HLA-DQB1: variants seen among roughly 807,000 people sequenced by gnomAD.
The protein encoded by HLA-DQB1 is HLA class II histocompatibility antigen, DQ beta 1 chain.
HLA-DQB1 carries 13 observed loss-of-function variants against 26.4 expected under a neutral mutation model. The ratio of observed to expected loss-of-function variants is 0.49; its 90% CI spans 0.32 to 0.78. The LOEUF is 0.78. Ranked by LOEUF, HLA-DQB1 falls within the 30% of genes least tolerant of loss-of-function variation. The pLI is 0.03. For synonymous variants in HLA-DQB1, 60 were observed against 129.1 expected, an observed-to-expected ratio of 0.46 and a Z score of 3.63; for missense variants, 158 against 326.2, an observed-to-expected ratio of 0.48 and a Z score of 3.97.
chr6:32,666,647 T>C, exon 1 of HLA-DQB1: 2 of 777,804 alleles, frequency 2.6e-6, no homozygotes, highest in Non-Finnish European at 4.3e-6. Flanking sequence ...TCAACACAGC[T>C]CGGACCTGAT....
chr6:32,659,975 T>C (rs1049222), exon 5 of HLA-DQB1: 55,047 of 268,222 alleles, frequency 0.21, 7,900 homozygotes, highest in South Asian at 0.26. Flanking sequence ...GAGGAAAGAA[T>C]AGAAACAGAA....
At chr6:32,665,863 T>A (rs41264344) in intron 1 of HLA-DQB1, among the ~76,000 whole-genome samples, 8,140 of 113,390 alleles carry the variant, frequency 0.072, 305 homozygotes, top group Middle Eastern at 0.18. Context: ...CAATATGTGT[T>A]ATTTCCCTTC....
chr6:32,661,827 G>T (rs1554164898), intron 3 of HLA-DQB1, 140 bp downstream of exon 3: 2 of 702,796 alleles, frequency 2.8e-6, no homozygotes, highest in Non-Finnish European at 4.8e-6. Context: ...TGATGCACTT[G>T]CCATGGAGCA....
intron 2 of HLA-DQB1, 156 bp downstream of exon 2, chr6:32,664,642 T>G (rs281862210): frequency 7.7e-6 from 2 of 258,426 alleles, no homozygotes; most frequent in South Asian, 3.6e-5. Flanking sequence ...GCCCCTCCGA[T>G]GCACCTGCCC....
In HLA-DQB1 at chr6:32,661,490, C is replaced by T. The variant is rs199987570; in HGVS notation, c.662-33G>A. 0.017 allele frequency: 18,208 copies of T among 1,074,386 alleles called. 3,850 individuals are homozygous for T. The East Asian group carries it at 0.2, about 12-fold the overall frequency. 66.6% of individuals were successfully genotyped at this position (1,074,386 alleles called of 1,614,324 possible). A position where few individuals can be genotyped will look rare whatever the true frequency, so the allele number is the denominator to read the frequency against. On this transcript the variant is annotated intron_variant, in intron 3 of 4. Coordinates refer to ENST00000434651, the Ensembl canonical transcript of HLA-DQB1. ...GCAGAACTGAGTGTCTGTGTTTGTC[C>T]CCACACCCCATAGCATCCCTGCTGA...
exon 1 of HLA-DQB1, chr6:32,666,526 G>A (rs1049061): frequency 0.24 from 269,648 of 1,139,126 alleles, 65,672 homozygotes; most frequent in South Asian, 0.27. Context: ...TCAGCCAGTA[G>A]GGAGCTCAGC....
chr6:32,660,883 T>G, intron 4 of HLA-DQB1: 1 of 1,516,074 alleles, frequency 6.6e-7, no homozygotes, highest in Non-Finnish European at 8.9e-7. Flanking sequence ...CCTTGAGGTC[T>G]TACAAAAGGA....
chr6:32,662,399 T>A (rs9274106), intron 2 of HLA-DQB1, 151 bp from the exon 3 acceptor site: 2,039 of 146,622 alleles, frequency 0.014, 175 homozygotes, highest in Admixed American at 0.035. Flanking sequence ...AAATATAAAT[T>A]TGACAATCAC....
At chr6:32,660,169 T>G in exon 5 of HLA-DQB1, 1 of 734,842 alleles carries the variant, frequency 1.4e-6, no homozygotes, top group South Asian at 1.9e-5. Context: ...AGCTGGGAAT[T>G]CTGGGCAGGC....
chr6:32,663,415 G>GAAAGTATCATTTTGTGC (rs9282143), intron 2 of HLA-DQB1: 1 of 126,710 alleles, frequency 7.9e-6, no homozygotes. Flanking sequence ...TTTCAATGCC[G>GAAAGTATCATTTTGTGC]CATTAACACA....
rs41268312 is a variant in HLA-DQB1, at chr6:32,665,110, C to CCTA, written c.110-44_110-43insTAG. On this transcript the variant is annotated intron_variant, in intron 1 of 4. Transcript: ENST00000434651. ...CCGGTCAGTCAGGCCCCAGCCCGGC[C>CCTA]GCCCCCGCAGCCGCCGCCCTGACCC... The CCTA allele has an allele frequency of 5.6e-4, 575 of 1,027,748 alleles. 2 individuals are homozygous for CCTA. The highest frequency in any genetic ancestry group is 2.5e-3 in the Admixed American group (72 of 29,166). The allele number at this position is 1,027,748 out of a possible 1,614,324, so 63.7% of individuals were successfully genotyped here. A position where few individuals can be genotyped will look rare whatever the true frequency, so the allele number is the denominator to read the frequency against.
chr6:32,661,215 C>T (rs117656997), intron 4 of HLA-DQB1, 132 bp downstream of exon 4: 19,319 of 271,028 alleles, frequency 0.071, 5,145 homozygotes, highest in East Asian at 0.36. Context: ...CCAATGCCTC[C>T]TCCCATCTTG....
At position 32,666,489 on chromosome 6, in the gene HLA-DQB1, C is replaced by T. The variant is rs1188956004; in HGVS notation, c.109+10G>A. On this transcript the variant is annotated intron_variant, in intron 1 of 4. Coordinates refer to ENST00000434651, the Ensembl canonical transcript of HLA-DQB1. ...GTGGCGGCTCTGGAGAGCAGCTGCCCTGCACTTACCGGGAGAGTCTCTGCC... is the reference window on the plus strand; with the variant it reads ...GTGGCGGCTCTGGAGAGCAGCTGCCTTGCACTTACCGGGAGAGTCTCTGCC... 1 of 986,750 alleles carries T rather than the reference C, an allele frequency of 1.0e-6. No individual in the cohort carries two copies. Among genetic ancestry groups the T allele is most frequent in the African/African-American group, 1.6e-5 (1 of 62,938 alleles). The allele number at this position is 986,750 out of a possible 1,614,324, so 61.1% of individuals were successfully genotyped here.
chr6:32,664,382 C>A (rs141487324), intron 2 of HLA-DQB1: 8,206 of 107,594 alleles, frequency 0.076, 2,734 homozygotes, highest in East Asian at 0.39. Flanking sequence ...AAGCTTCCTG[C>A]GGCGCAAGCT....
rs559673115 is a variant in HLA-DQB1 at position 32,661,462 on chromosome 6, A to G, written c.662-5T>C. On this transcript the variant is annotated splice_region_variant and splice_polypyrimidine_tract_variant and intron_variant, in intron 3 of 4. Coordinates refer to ENST00000434651, the Ensembl canonical transcript of HLA-DQB1. ...GGGCAGATTCAGACTGAGCCCCTAA[A>G]GAGCAGAACTGAGTGTCTGTGTTTG... 102,047 of 874,100 alleles carry G rather than the reference A, an allele frequency of 0.12. 22,606 individuals carry two copies. Among genetic ancestry groups the G allele is most frequent in the East Asian group, 0.4 (10,089 of 24,942 alleles). The allele number at this position is 874,100 out of a possible 1,614,324, so 54.1% of individuals were successfully genotyped here.
rs796429679 is a variant in HLA-DQB1 at position 32,666,326 on chromosome 6, T to C, written c.109+173A>G. Among the ~76,000 whole-genome samples the C allele has an allele frequency of 0.58, 86,888 of 149,534 alleles. 25,655 individuals are homozygous for C. Among genetic ancestry groups the C allele is most frequent in the East Asian group, 0.74 (3,741 of 5,068 alleles). ...TAGGATGGGGATTGGATTGTCCTCA[T>C]CTCATCACTAAAAGATAAATGGGAA... On this transcript the variant is annotated intron_variant, in intron 1 of 4. Transcript: ENST00000434651.
chr6:32,662,615 GT>G (rs1783248821), intron 2 of HLA-DQB1: 1 of 168,398 alleles, frequency 5.9e-6, no homozygotes, highest in Non-Finnish European at 1.2e-5. Flanking sequence ...CAAACATCAT[GT>G]TTGTCCACAA....
chr6:32,660,925 C>G (rs1782918145), intron 4 of HLA-DQB1: 3 of 1,356,450 alleles, frequency 2.2e-6, no homozygotes, highest in Admixed American at 2.1e-5. Flanking sequence ...ATTACACAAA[C>G]AGCCACTCTC....
rs1130382 is a variant in HLA-DQB1 at position 32,664,895 on chromosome 6, G to C, written c.282C>G (p.Asn94Lys). Residue 94 changes from asparagine (N) to lysine (K), a missense_variant, in exon 2 of 5, where the codon AAC becomes AAG. Coordinates refer to ENST00000434651, the Ensembl canonical transcript of HLA-DQB1. ...TCCCCTCCAGGACTTCCTTCTGGCT[G>C]TTCCAGTACTCGGCATCAGGCCGCC... 1.5e-6 allele frequency: 2 copies of C among 1,334,752 alleles called. 1 individual carries two copies. 82.7% of individuals were successfully genotyped at this position (1,334,752 alleles called of 1,614,324 possible). A position where few individuals can be genotyped will look rare whatever the true frequency, so the allele number is the denominator to read the frequency against.
Sources: gnomAD v4.1 joint callset for allele counts (sites outside exome capture counted in the v4.1 genomes callset) on GRCh38, gnomAD v4.1.1 for gene constraint, MANE v1.5 for transcripts, NCBI Gene and HGNC (gene_info 2026-07-23, HGNC 2026-07-21) for gene names.